Variants in CADPS2 observed in about 807,000 individuals in gnomAD.
CADPS2 encodes calcium-dependent secretion activator 2.
CADPS2 carries 93 observed loss-of-function variants against 172.5 expected under a neutral mutation model. The ratio of observed to expected loss-of-function variants is 0.54; its 90% confidence interval spans 0.46 to 0.64. CADPS2 has a LOEUF of 0.64. CADPS2 is among the 30% of genes least tolerant of loss of function. The pLI is 0.00. For synonymous variants in CADPS2, 546 were observed against 555.2 expected (o/e 0.98, Z 0.23); for missense variants, 1,420 against 1,565.9 (o/e 0.91, Z 1.57).
chr7:122,753,914 A>G (rs1046022083), intron 1 of CADPS2, among the ~76,000 whole-genome samples: 5 of 152,256 alleles, frequency 3.3e-5, no homozygotes, highest in African/African-American at 1.2e-4. Context: ...TTAAACAACC[A>G]TTCAAAAGTT....
At chr7:122,468,826 T>C (rs1341034504) in intron 14 of CADPS2, among the ~76,000 whole-genome samples, 1 of 152,206 alleles carries the variant, frequency 6.6e-6, no homozygotes, top group Admixed American at 6.5e-5. Context: ...GTCATAACTT[T>C]CAGCTTATCT....
chr7:122,678,489 T>A (rs952906351), intron 2 of CADPS2, among the ~76,000 whole-genome samples: 1 of 152,164 alleles, frequency 6.6e-6, no homozygotes, highest in Non-Finnish European at 1.5e-5. Context: ...TTACGTTTTT[T>A]GTAAGGATAA....
chr7:122,588,831 A>G (rs1426697245), intron 6 of CADPS2, among the ~76,000 whole-genome samples: 1 of 152,046 alleles, frequency 6.6e-6, no homozygotes, highest in Admixed American at 6.6e-5. Context: ...GAGAAGGTAG[A>G]TGGGCACCTC....
At chr7:122,606,986 C>T (rs1180200139) in intron 6 of CADPS2, among the ~76,000 whole-genome samples, 1 of 152,102 alleles carries the variant, frequency 6.6e-6, no homozygotes, top group Non-Finnish European at 1.5e-5. Flanking sequence ...AGAAGAGTTA[C>T]ATGTGGACAC....
chr7:122,634,992 T>C (rs1262445958), intron 3 of CADPS2, among the ~76,000 whole-genome samples: 2 of 152,202 alleles, frequency 1.3e-5, no homozygotes, highest in Non-Finnish European at 2.9e-5. Flanking sequence ...TTTCTACTTT[T>C]ATTGCCCTGT....
At chr7:122,845,271 G>C (rs1372178232) in intron 1 of CADPS2, among the ~76,000 whole-genome samples, 1 of 152,162 alleles carries the variant, frequency 6.6e-6, no homozygotes, top group Non-Finnish European at 1.5e-5. Flanking sequence ...GACCCCTGAA[G>C]AAGGGACCCA....
chr7:122,818,954 AC>A (rs1802322597), intron 1 of CADPS2, among the ~76,000 whole-genome samples: 1 of 152,168 alleles, frequency 6.6e-6, no homozygotes, highest in African/African-American at 2.4e-5. Context: ...ACATTTTATT[AC>A]CCAATCTGCT....
At chr7:122,476,344 CCTAT>C (rs1028049178) in intron 12 of CADPS2, among the ~76,000 whole-genome samples, 31 of 151,708 alleles carry the variant, frequency 2.0e-4, no homozygotes, top group Admixed American at 1.2e-3. Flanking sequence ...AGGAAAAAGA[CCTAT>C]CTTTTTCCTG....
chr7:122,539,965 A>G (rs1465473651), intron 8 of CADPS2, among the ~76,000 whole-genome samples: 1 of 152,020 alleles, frequency 6.6e-6, no homozygotes, highest in Non-Finnish European at 1.5e-5. Context: ...AGGTAACCAT[A>G]TGTTCAAAAT....
intron 24 of CADPS2, among the ~76,000 whole-genome samples, chr7:122,383,222 A>G (rs916464244): frequency 2.6e-4 from 40 of 152,062 alleles, no homozygotes; most frequent in African/African-American, 9.4e-4. Flanking sequence ...TAAGTAAATT[A>G]ACACAGGAAC....
At chr7:122,578,147 A>G (rs1199769038) in intron 7 of CADPS2, among the ~76,000 whole-genome samples, 1 of 151,438 alleles carries the variant, frequency 6.6e-6, no homozygotes. Context: ...TATATACTTA[A>G]TATGTGTATA....
intron 6 of CADPS2, among the ~76,000 whole-genome samples, chr7:122,608,770 G>A (rs983120880): frequency 1.3e-5 from 2 of 152,098 alleles, no homozygotes; most frequent in East Asian, 1.9e-4. Flanking sequence ...ACCCAGTGTG[G>A]CTTCCTGGTG....
intron 6 of CADPS2, among the ~76,000 whole-genome samples, chr7:122,600,865 A>G (rs923215485): frequency 3.9e-5 from 6 of 152,244 alleles, no homozygotes; most frequent in Admixed American, 3.9e-4. Context: ...AACCTGAAAC[A>G]CTGCTCACAT....
intron 24 of CADPS2, among the ~76,000 whole-genome samples, chr7:122,385,549 C>T (rs556301609): frequency 6.6e-6 from 1 of 151,762 alleles, no homozygotes; most frequent in African/African-American, 2.4e-5. Context: ...ACCTACAGGA[C>T]ACAAAGACAT....
chr7:122,753,394 T>A (rs2093028749), intron 1 of CADPS2, among the ~76,000 whole-genome samples: 2 of 152,192 alleles, frequency 1.3e-5, no homozygotes, highest in African/African-American at 4.8e-5. Context: ...CTGCCTCAAC[T>A]TTTATTTAAA....
chr7:122,338,120 G>T (rs538218282), intron 28 of CADPS2, among the ~76,000 whole-genome samples: 60 of 152,292 alleles, frequency 3.9e-4, no homozygotes, highest in Admixed American at 1.2e-3. Context: ...GCCTCAGCTG[G>T]GTATGGTGGC....
intron 1 of CADPS2, among the ~76,000 whole-genome samples, chr7:122,781,058 A>G (rs1408248651): frequency 6.6e-6 from 1 of 152,238 alleles, no homozygotes; most frequent in African/African-American, 2.4e-5. Context: ...TTCTTACCAC[A>G]CTCATGATTA....
chr7:122,798,740 G>A (rs1796936895), intron 1 of CADPS2, among the ~76,000 whole-genome samples: 1 of 151,914 alleles, frequency 6.6e-6, no homozygotes, highest in Admixed American at 6.6e-5. Context: ...ACTTCATCAA[G>A]AACTTGTTCC....
At position 122,616,093 on chromosome 7, in the gene CADPS2, T is replaced by C. The variant is rs188685706; in HGVS notation, c.1105-794A>G. On this transcript the variant is annotated intron_variant, in intron 5 of 29. Transcript: ENST00000449022. Reference sequence around the variant, plus strand: ...ACTGTAACCTATCATTCTTATTGGATGTATGTATCAAATATGAATATTATT... The same window carrying C: ...ACTGTAACCTATCATTCTTATTGGACGTATGTATCAAATATGAATATTATT... Among the ~76,000 whole-genome samples the C allele has an allele frequency of 3.9e-3, 598 of 152,200 alleles. 6 individuals are homozygous for C. Among genetic ancestry groups the C allele is most frequent in the African/African-American group, 0.014 (567 of 41,552 alleles).
Sources: gnomAD v4.1 joint callset for allele counts (sites outside exome capture counted in the v4.1 genomes callset) on GRCh38, gnomAD v4.1.1 for gene constraint, MANE v1.5 for transcripts, NCBI Gene and HGNC (gene_info 2026-07-23, HGNC 2026-07-21) for gene names.